PNPLA4: variants seen among roughly 807,000 people sequenced by gnomAD.
The protein encoded by PNPLA4 is patatin-like phospholipase domain-containing protein 4.
PNPLA4 carries 15 observed loss-of-function variants against 18.3 expected under a neutral mutation model. The observed-to-expected ratio is 0.82, with a 90% CI of 0.55 to 1.26. The LOEUF (loss-of-function observed/expected upper bound fraction) is 1.26. Among genes scored for constraint, PNPLA4 ranks in the 50% most tolerant of loss-of-function variants. The pLI is 0.00. For synonymous variants in PNPLA4, 88 were observed against 85.6 expected (o/e 1.03, Z -0.16); for missense variants, 229 against 196.8 (o/e 1.16, Z -0.98).
At chrX:7,915,161 T>C (rs1483138396) in intron 4 of PNPLA4, among the ~76,000 whole-genome samples, 1 of 110,973 alleles carries the variant, frequency 9.0e-6, no homozygotes. Context: ...ACATGTGCTT[T>C]TAGTGTATCT....
At chrX:7,918,409 A>C (rs1243849188) in intron 4 of PNPLA4, among the ~76,000 whole-genome samples, 1 of 111,613 alleles carries the variant, frequency 9.0e-6, no homozygotes, top group African/African-American at 3.3e-5. Flanking sequence ...AGACTTATTC[A>C]CTACCAGGAG....
At chrX:7,911,350 C>A (rs1393981562) in intron 5 of PNPLA4, among the ~76,000 whole-genome samples, 1 of 111,714 alleles carries the variant, frequency 9.0e-6, no homozygotes, top group Non-Finnish European at 1.9e-5. Flanking sequence ...AACCTGTGTC[C>A]ATGCAATGGA....
chrX:7,916,284 G>T (rs139353956), intron 4 of PNPLA4, among the ~76,000 whole-genome samples: 118 of 111,501 alleles, frequency 1.1e-3, no homozygotes, highest in African/African-American at 3.8e-3. Flanking sequence ...AATGTGTTTG[G>T]ATTTCCTAGT....
intron 6 of PNPLA4, 143 bp from the exon 7 acceptor site, chrX:7,900,960 T>TA: frequency 2.2e-6 from 1 of 446,261 alleles, no homozygotes; most frequent in Non-Finnish European, 3.7e-6. Context: ...CTTCAGAAGT[T>TA]ACCTCCACTG....
chrX:7,914,237 A>G (rs1923965501), intron 4 of PNPLA4, among the ~76,000 whole-genome samples: 1 of 112,194 alleles, frequency 8.9e-6, no homozygotes, highest in East Asian at 2.8e-4. Context: ...GCATAATGCA[A>G]TACTGTGACA....
At chrX:7,911,103 A>G (rs989939563) in intron 5 of PNPLA4, among the ~76,000 whole-genome samples, 30 of 110,902 alleles carry the variant, frequency 2.7e-4, no homozygotes, top group Admixed American at 3.9e-4. Context: ...TGTTAAATAG[A>G]TACTGCATTT....
chrX:7,921,619 G>C, intron 4 of PNPLA4, 94 bp downstream of exon 4: 1 of 773,831 alleles, frequency 1.3e-6, no homozygotes, highest in Non-Finnish European at 2.0e-6. Flanking sequence ...AAGAGACACA[G>C]GATCTAAAGA....
At chrX:7,925,010 A>T (rs1256025950) in intron 2 of PNPLA4, among the ~76,000 whole-genome samples, 1 of 112,141 alleles carries the variant, frequency 8.9e-6, no homozygotes, top group Admixed American at 9.4e-5. Flanking sequence ...TATACCTTGC[A>T]TGGCTTAAGG....
In PNPLA4 at chrX:7,922,036, T is replaced by C. The variant is rs34429369; in HGVS notation, c.243A>G (p.Val81=). The C allele has an allele frequency of 5.5e-4, 660 of 1,207,849 alleles. No homozygotes were observed. The highest frequency in any genetic ancestry group is 9.4e-4 in the Admixed American group (43 of 45,767). ...EEIRRQSFGA[V]TPGYDFMARL... is the part of the protein sequence containing the mutation. ...GGGCCATGAAGTCATAACCGGGCGT[T>C]ACTGCCCCGAAAGACTGCCTTCTGA... Residue 81 remains valine, a synonymous_variant, in exon 3 of 7, where the codon GTA becomes GTG. Transcript: ENST00000381042.
intron 1 of PNPLA4, among the ~76,000 whole-genome samples, chrX:7,926,652 CCAATA>C (rs1329740570): frequency 5.4e-5 from 6 of 111,869 alleles, no homozygotes; most frequent in South Asian, 7.5e-4. Flanking sequence ...TTTATGAACG[CCAATA>C]CAATTACTCA....
chrX:7,905,133 A>C (rs1923667543), intron 5 of PNPLA4, among the ~76,000 whole-genome samples: 1 of 112,177 alleles, frequency 8.9e-6, no homozygotes, highest in African/African-American at 3.2e-5. Context: ...ACCAAAAACA[A>C]AACAAAAAAA....
At chrX:7,911,420 G>A (rs1213847130) in intron 5 of PNPLA4, among the ~76,000 whole-genome samples, 1 of 78,784 alleles carries the variant, frequency 1.3e-5, no homozygotes, top group Admixed American at 1.4e-4. Context: ...ATCACAGAAG[G>A]AAGCTGGGTC....
At chrX:7,917,177 T>A (rs958243893) in intron 4 of PNPLA4, among the ~76,000 whole-genome samples, 4 of 112,502 alleles carry the variant, frequency 3.6e-5, no homozygotes, top group Non-Finnish European at 7.5e-5. Flanking sequence ...TCAACTAGCA[T>A]TGCAGCTATC....
chrX:7,901,197 T>C (rs1372424121), intron 6 of PNPLA4, among the ~76,000 whole-genome samples: 3 of 112,268 alleles, frequency 2.7e-5, no homozygotes, highest in Admixed American at 1.9e-4. Context: ...TATTTTTATG[T>C]CAATTATTCA....
intron 6 of PNPLA4, 111 bp downstream of exon 6, chrX:7,901,878 C>T: frequency 1.3e-6 from 1 of 764,750 alleles, no homozygotes. Context: ...GAAGATGCAA[C>T]TCCTACCTAC....
chrX:7,904,862 G>C (rs2240587), intron 5 of PNPLA4, among the ~76,000 whole-genome samples: 14,320 of 110,837 alleles, frequency 0.13, 915 homozygotes, highest in Non-Finnish European at 0.19. Flanking sequence ...TACCCCGTTA[G>C]AGTTTTCCTG....
chrX:7,913,191 GTTC>G (rs1923931487), intron 4 of PNPLA4, among the ~76,000 whole-genome samples: 1 of 111,830 alleles, frequency 8.9e-6, no homozygotes, highest in South Asian at 3.7e-4. Flanking sequence ...TTATGCAGTG[GTTC>G]TTCCTTGGAC....
chrX:7,912,242 A>G, intron 4 of PNPLA4, 149 bp from the exon 5 acceptor site: 1 of 370,386 alleles, frequency 2.7e-6, no homozygotes, highest in Non-Finnish European at 4.8e-6. Flanking sequence ...AAAAGATAAC[A>G]CTTTATATCG....
intron 6 of PNPLA4, among the ~76,000 whole-genome samples, chrX:7,901,516 G>A (rs760198495): frequency 1.8e-5 from 2 of 111,632 alleles, no homozygotes; most frequent in African/African-American, 6.5e-5. Flanking sequence ...GAGCCTGGGC[G>A]GTCAAGGCTG....
Sources: allele counts gnomAD v4.1 joint callset (sites outside exome capture counted in the v4.1 genomes callset), GRCh38; gene constraint gnomAD v4.1.1; transcripts MANE v1.5; gene names NCBI Gene and HGNC (gene_info 2026-07-23, HGNC 2026-07-21).